CDH4: variants seen among roughly 807,000 people sequenced by gnomAD.
The protein encoded by CDH4 is cadherin 4.
A neutral mutation model predicts 86.0 loss-of-function variants in CDH4; 33 were observed. That is an observed-to-expected ratio of 0.38 (90% CI 0.29 to 0.51). The LOEUF is 0.51. Among genes scored for constraint, CDH4 ranks in the 20% least tolerant of loss-of-function variants. The probability of loss-of-function intolerance (pLI) is 0.86; values close to 1 mark genes in which losing one functional copy is unlikely to be tolerated. For synonymous variants in CDH4, 555 were observed against 549.4 expected, an observed-to-expected ratio of 1.01 and a Z score of -0.14; for missense variants, 1,114 against 1,307.4, an observed-to-expected ratio of 0.85 and a Z score of 2.28.
chr20:61,387,835 C>G (rs1245775953), intron 2 of CDH4, among the ~76,000 whole-genome samples: 1 of 152,172 alleles, frequency 6.6e-6, no homozygotes, highest in Non-Finnish European at 1.5e-5. Flanking sequence ...CCCCTTCCTT[C>G]CCACTCCTTC....
chr20:61,284,162 A>C (rs1037000124), intron 2 of CDH4, among the ~76,000 whole-genome samples: 13 of 152,048 alleles, frequency 8.5e-5, no homozygotes, highest in African/African-American at 3.1e-4. Context: ...AAAAAAAAAA[A>C]AAACTGGCCT....
intron 2 of CDH4, chr20:61,719,839 T>G (rs2088011109): frequency 6.6e-6 from 1 of 152,298 alleles, no homozygotes; most frequent in African/African-American, 2.4e-5. Flanking sequence ...AATTGTTTTT[T>G]AAATTAAGAT....
At chr20:61,910,296 G>C in intron 8 of CDH4, 126 bp from the exon 9 acceptor site, 1 of 796,724 alleles carries the variant, frequency 1.3e-6, no homozygotes, top group Non-Finnish European at 2.1e-6. Flanking sequence ...GTGAACACTC[G>C]AGCTGGGCTG....
At chr20:61,881,225 C>T (rs935664767) in intron 7 of CDH4, among the ~76,000 whole-genome samples, 4 of 152,208 alleles carry the variant, frequency 2.6e-5, no homozygotes, top group Non-Finnish European at 5.9e-5. Context: ...GAGCAGTTCT[C>T]CCACCGTGGG....
At chr20:61,598,667 C>G (rs1204265831) in intron 2 of CDH4, among the ~76,000 whole-genome samples, 1 of 152,172 alleles carries the variant, frequency 6.6e-6, no homozygotes, top group African/African-American at 2.4e-5. Flanking sequence ...TCCTGTAGAA[C>G]GGGGACTTTG....
intron 4 of CDH4, among the ~76,000 whole-genome samples, chr20:61,816,386 G>A (rs1163797004): frequency 6.6e-6 from 1 of 152,172 alleles, no homozygotes; most frequent in East Asian, 1.9e-4. Context: ...AAAAAGCGAT[G>A]GAGAATTCTA....
At chr20:61,359,309 T>C (rs2084771028) in intron 2 of CDH4, among the ~76,000 whole-genome samples, 2 of 152,312 alleles carry the variant, frequency 1.3e-5, no homozygotes, top group South Asian at 4.1e-4. Context: ...ATTTGTCAGC[T>C]ACGCCGACCC....
At chr20:61,436,750 T>G (rs923931227) in intron 2 of CDH4, 2 of 152,346 alleles carry the variant, frequency 1.3e-5, no homozygotes, top group Non-Finnish European at 2.9e-5. Context: ...GAGGTCAGGC[T>G]AGCTCCAAGT....
chr20:61,877,954 C>T (rs536107462), intron 7 of CDH4, among the ~76,000 whole-genome samples: 45 of 152,218 alleles, frequency 3.0e-4, no homozygotes, highest in African/African-American at 1.0e-3. Context: ...AAATGAGGCC[C>T]GGCCCCAAGC....
At chr20:61,509,589 G>A (rs201470620) in intron 2 of CDH4, among the ~76,000 whole-genome samples, 1 of 151,520 alleles carries the variant, frequency 6.6e-6, no homozygotes, top group Non-Finnish European at 1.5e-5. Flanking sequence ...GTACCAGGGT[G>A]GGGGACAGGA....
intron 2 of CDH4, among the ~76,000 whole-genome samples, chr20:61,696,124 A>G (rs1345388297): frequency 6.6e-6 from 1 of 152,214 alleles, no homozygotes; most frequent in Non-Finnish European, 1.5e-5. Context: ...TCTAAAGAGG[A>G]AGGGGCCATG....
intron 2 of CDH4, among the ~76,000 whole-genome samples, chr20:61,346,256 C>G (rs1234581363): frequency 6.6e-6 from 1 of 151,276 alleles, no homozygotes; most frequent in African/African-American, 2.4e-5. Context: ...GTCAGGAGGT[C>G]CTAGAGGAAC....
rs930479724 is a variant in CDH4, at chr20:61,822,927, C to G, written c.577-21741C>G. On this transcript the variant is annotated intron_variant, in intron 4 of 15. Coordinates refer to ENST00000614565, the MANE Select transcript of CDH4 (RefSeq NM_001794.5). ...TCCCAGGTAACCCAACTGCCGTCAC[C>G]TCCAGCACAGGTGTGCTGGCCAGGG... 2.0e-5 allele frequency among the ~76,000 whole-genome samples: 3 copies of G among 152,210 alleles called. No homozygotes were observed. In the East Asian group the frequency reaches 5.8e-4, roughly 29 times the overall value.
intron 2 of CDH4, among the ~76,000 whole-genome samples, chr20:61,264,799 C>T (rs1434583461): frequency 7.0e-6 from 1 of 141,846 alleles, no homozygotes; most frequent in Non-Finnish European, 1.5e-5. Flanking sequence ...CCCAGTGGCT[C>T]CTTCATTCAG....
chr20:61,622,139 A>G (rs1248562956), intron 2 of CDH4, among the ~76,000 whole-genome samples: 1 of 152,242 alleles, frequency 6.6e-6, no homozygotes, highest in African/African-American at 2.4e-5. Context: ...ACATGCCACA[A>G]AAGGAGAAGC....
chr20:61,323,362 A>G (rs1288199310), intron 2 of CDH4, among the ~76,000 whole-genome samples: 1 of 152,122 alleles, frequency 6.6e-6, no homozygotes, highest in Admixed American at 6.5e-5. Context: ...GATGTTTGGG[A>G]AAGTCTTCAT....
chr20:61,436,299 T>C (rs2085281731), intron 2 of CDH4, among the ~76,000 whole-genome samples: 1 of 152,142 alleles, frequency 6.6e-6, no homozygotes, highest in Non-Finnish European at 1.5e-5. Context: ...GCAATTCACT[T>C]CTGACACTGT....
intron 2 of CDH4, among the ~76,000 whole-genome samples, chr20:61,687,618 A>G (rs893690891): frequency 2.6e-5 from 4 of 152,244 alleles, no homozygotes; most frequent in Non-Finnish European, 4.4e-5. Flanking sequence ...AAAACAGGCT[A>G]GGGTTTCCTC....
intron 5 of CDH4, among the ~76,000 whole-genome samples, chr20:61,845,342 C>A (rs547583896): frequency 3.3e-5 from 5 of 152,268 alleles, no homozygotes; most frequent in African/African-American, 1.2e-4. Flanking sequence ...AGGAGAGCCG[C>A]GCTGATTCCC....
Sources: gnomAD v4.1 joint callset for allele counts (sites outside exome capture counted in the v4.1 genomes callset) on GRCh38, gnomAD v4.1.1 for gene constraint, MANE v1.5 for transcripts, NCBI Gene and HGNC (gene_info 2026-07-23, HGNC 2026-07-21) for gene names.